Variants in ADAMTS20 observed in about 807,000 individuals in gnomAD.
ADAMTS20 encodes the protein A disintegrin and metalloproteinase with thrombospondin motifs 20.
ADAMTS20 carries 225 observed loss-of-function variants against 260.1 expected under a neutral mutation model. The observed-to-expected ratio is 0.87, with a 90% CI of 0.78 to 0.97. ADAMTS20 has a LOEUF of 0.97. Among genes scored for constraint, ADAMTS20 ranks in the 50% least tolerant of loss-of-function variants. The probability of loss-of-function intolerance (pLI) is 0.00; values close to 1 mark genes in which losing one functional copy is unlikely to be tolerated. For synonymous variants in ADAMTS20, 802 were observed against 769.5 expected (o/e 1.04, Z -0.70); for missense variants, 2,400 against 2,337.7 (o/e 1.03, Z -0.55).
intron 12 of ADAMTS20, 84 bp from the exon 13 acceptor site, chr12:43,452,779 G>T: frequency 7.7e-7 from 1 of 1,297,004 alleles, no homozygotes; most frequent in African/African-American, 1.5e-5. Context: ...TCTTTTCCAG[G>T]ATCTAGAAAA....
In ADAMTS20 at chr12:43,432,816, A is replaced by G. The variant is rs1465536231; in HGVS notation, c.2721-5T>C. 1.2e-6 allele frequency: 2 copies of G among 1,607,744 alleles called. No individual in the cohort carries two copies. Among genetic ancestry groups the G allele is most frequent in the Non-Finnish European group, 8.5e-7 (1 of 1,174,378 alleles). On this transcript the variant is annotated splice_polypyrimidine_tract_variant and splice_region_variant and intron_variant, in intron 19 of 38. Coordinates refer to ENST00000389420, the MANE Select transcript of ADAMTS20 (RefSeq NM_025003.5). ...CTTTTGCCAATAACATGCCACCTTG[A>G]AAAAAGATGTTACTATACTTAGGAG...
Position 43,439,924 on chromosome 12 carries a change from A to G in ADAMTS20, c.2436T>C (p.Asn812=). The G allele has an allele frequency of 6.2e-7, 1 of 1,606,822 alleles. No homozygotes were observed. Residue 812 remains asparagine, a synonymous_variant, in exon 17 of 39, where the codon AAT becomes AAC. Coordinates refer to ENST00000389420, the MANE Select transcript of ADAMTS20 (RefSeq NM_025003.5). Reference sequence around the variant, plus strand: ...GCAAAATAAGTTCTTTCTCTTGTCGATTAGTACTATTAATTCTTTCAACTG... The same window carrying G: ...GCAAAATAAGTTCTTTCTCTTGTCGGTTAGTACTATTAATTCTTTCAACTG... The part of the protein sequence containing the change: ...NNAVERINST[N]RQEKELILQV...
chr12:43,378,932 C>A (rs975222945), intron 31 of ADAMTS20, among the ~76,000 whole-genome samples: 4 of 152,158 alleles, frequency 2.6e-5, no homozygotes, highest in African/African-American at 9.7e-5. Flanking sequence ...ATAAACATGG[C>A]TAACTTTTGG....
intron 31 of ADAMTS20, among the ~76,000 whole-genome samples, chr12:43,379,458 T>A (rs890482734): frequency 6.6e-6 from 1 of 152,112 alleles, no homozygotes; most frequent in African/African-American, 2.4e-5. Flanking sequence ...GAGGAGGGCC[T>A]GCAGCCTCTC....
chr12:43,388,281 G>A (rs901377959), intron 29 of ADAMTS20, among the ~76,000 whole-genome samples: 1 of 152,282 alleles, frequency 6.6e-6, no homozygotes, highest in East Asian at 1.9e-4. Flanking sequence ...CCAGTGGAAG[G>A]AGTTTCCTGA....
At position 43,375,376 on chromosome 12, in the gene ADAMTS20, T is replaced by G. The variant is rs749974735; in HGVS notation, c.5446+3A>C. 3.1e-6 allele frequency: 5 copies of G among 1,610,720 alleles called. No individual in the cohort carries two copies. Among genetic ancestry groups the G allele is most frequent in the Non-Finnish European group, 4.2e-6 (5 of 1,179,148 alleles). On this transcript the variant is annotated splice_donor_region_variant and intron_variant, in intron 36 of 38. Transcript: ENST00000389420. ...GATTTTAAAATATAGATTGAGCACT[T>G]ACTTTTAATTTGCATGGAAGTGAGA...
chr12:43,457,608 CAGCCAAAAGCCT>C (rs1472168504), intron 11 of ADAMTS20, among the ~76,000 whole-genome samples: 1 of 152,200 alleles, frequency 6.6e-6, no homozygotes, highest in Non-Finnish European at 1.5e-5. Context: ...CTAAGTTGTT[CAGCCAAAAGCCT>C]AGTCATCATT....
intron 36 of ADAMTS20, among the ~76,000 whole-genome samples, chr12:43,374,080 T>G (rs1266147383): frequency 6.6e-6 from 1 of 152,056 alleles, no homozygotes; most frequent in Non-Finnish European, 1.5e-5. Context: ...ATTTTACACA[T>G]GAGGGAACCG....
At chr12:43,531,732 C>T (rs1489795418) in intron 3 of ADAMTS20, among the ~76,000 whole-genome samples, 1 of 152,000 alleles carries the variant, frequency 6.6e-6, no homozygotes, top group African/African-American at 2.4e-5. Context: ...TAGTTAATAA[C>T]AATGCAGTGT....
intron 14 of ADAMTS20, among the ~76,000 whole-genome samples, chr12:43,451,524 G>A (rs1592075936): frequency 1.3e-5 from 2 of 151,734 alleles, no homozygotes; most frequent in East Asian, 3.9e-4. Context: ...CCATCTGCTA[G>A]TCCCTAACTC....
chr12:43,453,706 A>C (rs1191531056), intron 12 of ADAMTS20, among the ~76,000 whole-genome samples: 1 of 151,328 alleles, frequency 6.6e-6, no homozygotes, highest in Non-Finnish European at 1.5e-5. Context: ...TCAGATTATA[A>C]AATTTAATCT....
intron 14 of ADAMTS20, among the ~76,000 whole-genome samples, chr12:43,449,045 A>C (rs1421824419): frequency 6.6e-6 from 1 of 152,188 alleles, no homozygotes; most frequent in Non-Finnish European, 1.5e-5. Context: ...GGGAGTGTAA[A>C]TTGGTTCAAC....
intron 2 of ADAMTS20, among the ~76,000 whole-genome samples, chr12:43,534,246 T>C (rs942185815): frequency 6.8e-6 from 1 of 146,866 alleles, no homozygotes; most frequent in Non-Finnish European, 1.5e-5. Context: ...AGGGCTAATA[T>C]CCAGAATCTA....
In ADAMTS20 at chr12:43,551,914, A is replaced by ACC. The variant is rs748812200; in HGVS notation, c.6_7dup (p.Val3GlyfsTer6). On this transcript the variant is annotated frameshift_variant, in exon 1 of 39. Coordinates refer to ENST00000389420, the MANE Select transcript of ADAMTS20 (RefSeq NM_025003.5). LOFTEE classifies it high-confidence loss of function. The surrounding 1 kb of genome is among the most constrained non-coding windows in gnomAD (Gnocchi z 4.6). ...GAGCAGCCCAGTCAGCCACTTGGCCACCCACATGGTTCCACCCTGGGGACC... is the reference window on the plus strand; with the variant it reads ...GAGCAGCCCAGTCAGCCACTTGGCCACCCCCACATGGTTCCACCCTGGGGACC... 2 of 1,613,306 alleles carry ACC rather than the reference A, an allele frequency of 1.2e-6. No homozygotes were observed. The highest frequency in any genetic ancestry group is 1.7e-6 in the Non-Finnish European group (2 of 1,179,708).
intron 3 of ADAMTS20, among the ~76,000 whole-genome samples, chr12:43,514,553 T>C (rs1942971666): frequency 1.0e-5 from 1 of 98,682 alleles, no homozygotes. Flanking sequence ...AGAGTGAGAC[T>C]CTATCTCAAA....
Position 43,479,119 on chromosome 12 carries a change from A to G in ADAMTS20, c.1118-10414T>C, listed in dbSNP as rs1031512649. ...TATTATGAGTGACAACAGCTCAGAC[A>G]CACCAACTCTATTTTTTCTTTAAAA... On this transcript the variant is annotated intron_variant, in intron 7 of 38. Transcript: ENST00000389420. Among the ~76,000 whole-genome samples, 3 of 152,334 alleles carry G rather than the reference A, an allele frequency of 2.0e-5. No individual in the cohort carries two copies. In the South Asian group the frequency reaches 6.2e-4, roughly 32 times the overall value.
intron 37 of ADAMTS20, among the ~76,000 whole-genome samples, chr12:43,364,634 C>T (rs377586065): frequency 1.1e-4 from 17 of 151,636 alleles, no homozygotes; most frequent in African/African-American, 3.4e-4. Flanking sequence ...TAGTAGAATT[C>T]GCAAACTTAA....
At chr12:43,421,283 A>ACAC (rs1555176941) in intron 28 of ADAMTS20, among the ~76,000 whole-genome samples, 3 of 22,046 alleles carry the variant, frequency 1.4e-4, no homozygotes, top group Admixed American at 5.3e-4. Flanking sequence ...TTTCATTTAC[A>ACAC]AAAAAAAAAA....
intron 11 of ADAMTS20, among the ~76,000 whole-genome samples, chr12:43,454,794 A>T (rs1384180529): frequency 6.6e-6 from 1 of 152,206 alleles, no homozygotes; most frequent in East Asian, 1.9e-4. Context: ...AGACAATAAC[A>T]CAACTTGAGA....
Sources: gnomAD v4.1 joint callset for allele counts (sites outside exome capture counted in the v4.1 genomes callset) on GRCh38, gnomAD v4.1.1 for gene constraint, Gnocchi (gnomAD v3.1) non-coding constraint, MANE v1.5 for transcripts, NCBI Gene and HGNC (gene_info 2026-07-23, HGNC 2026-07-21) for gene names.